The following LCOR variants were observed in gnomAD, a reference collection of about 807,000 sequenced individuals.
LCOR encodes the protein ligand dependent nuclear receptor corepressor.
A neutral mutation model predicts 64.4 loss-of-function variants in LCOR; 14 were observed. That is an observed-to-expected ratio of 0.22 (90% CI 0.14 to 0.34). LCOR has a LOEUF of 0.34. Ranked by LOEUF, LCOR falls within the 10% of genes least tolerant of loss-of-function variation. The probability of loss-of-function intolerance (pLI) is 1.00; values close to 1 mark genes in which losing one functional copy is unlikely to be tolerated. For missense variants in LCOR, 1,686 were observed against 1,765.3 expected (o/e 0.96, Z 0.80); for synonymous variants, 643 against 642.5 (o/e 1.00, Z -0.01).
intron 2 of LCOR, among the ~76,000 whole-genome samples, chr10:96,853,842 G>T (rs1182183436): frequency 2.6e-5 from 4 of 152,152 alleles, no homozygotes; most frequent in South Asian, 2.1e-4. Context: ...AACATTCATG[G>T]TAGAAGGTAC....
chr10:96,869,674 A>C (rs1285084828), intron 2 of LCOR, among the ~76,000 whole-genome samples: 1 of 150,788 alleles, frequency 6.6e-6, no homozygotes, highest in African/African-American at 2.4e-5. Context: ...TGCCTGGTTC[A>C]AGCGATTCTC....
chr10:96,955,613 A>G, intron 7 of LCOR: 1 of 1,614,226 alleles, frequency 6.2e-7, no homozygotes. Context: ...CGGATCAAGA[A>G]GGAGACCCTG....
chr10:96,853,164 G>A (rs1367566278), intron 2 of LCOR, among the ~76,000 whole-genome samples: 1 of 152,078 alleles, frequency 6.6e-6, no homozygotes, highest in African/African-American at 2.4e-5. Flanking sequence ...CGATTCTCCT[G>A]CCTCAGTCTC....
chr10:96,881,462 GT>G (rs59154370), intron 2 of LCOR, among the ~76,000 whole-genome samples: 20,907 of 145,336 alleles, frequency 0.14, 1,950 homozygotes, highest in African/African-American at 0.27. Context: ...GTTGTTTTTT[GT>G]TTTTTTTTTT....
chr10:96,990,228 G>A lies in LCOR; in HGVS notation c.*5094G>A, dbSNP rs1302951631. 2.0e-5 allele frequency: 3 copies of A among 152,032 alleles called. No homozygotes were observed. In the East Asian group the frequency reaches 5.8e-4, roughly 29 times the overall value. 9.4% of individuals were successfully genotyped at this position (152,032 alleles called of 1,614,324 possible). ...TGTCGCCCCAGGCTGGAGTGCAATG[G>A]GCATATGGTCTTATCTATTAGGGTA... On this transcript the variant is annotated 3_prime_UTR_variant, in exon 8 of 8. Coordinates refer to ENST00000421806, the MANE Select transcript of LCOR (RefSeq NM_001346516.2).
chr10:96,872,225 C>T (rs1437215896), intron 2 of LCOR, among the ~76,000 whole-genome samples: 2 of 152,332 alleles, frequency 1.3e-5, no homozygotes, highest in Middle Eastern at 3.4e-3. Flanking sequence ...ATGCCATTAC[C>T]GCAGTGTCAG....
At chr10:96,834,497 T>C (rs76569646) in intron 2 of LCOR, among the ~76,000 whole-genome samples, 1 of 152,338 alleles carries the variant, frequency 6.6e-6, no homozygotes, top group East Asian at 1.9e-4. Context: ...GTTTAAGTAC[T>C]TTTTGAATTA....
chr10:96,968,937 CAAA>C (rs146079321), intron 7 of LCOR, among the ~76,000 whole-genome samples: 5 of 140,250 alleles, frequency 3.6e-5, no homozygotes, highest in African/African-American at 1.3e-4. Context: ...ATCCTGTCTC[CAAA>C]AAAAAAAAAA....
At position 96,931,320 on chromosome 10, in the gene LCOR, G is replaced by A. The variant is rs146759420; in HGVS notation, c.-183-12793G>A. On this transcript the variant is annotated intron_variant, in intron 4 of 7. Transcript: ENST00000421806. ...GTCATCTTGGTTCACTGCAACTTCC[G>A]CCTCCCAGGTTCAAGTGATTCTTCT... Among the ~76,000 whole-genome samples the A allele has an allele frequency of 2.4e-3, 367 of 150,384 alleles. 5 individuals carry two copies. The highest frequency in any genetic ancestry group is 8.0e-3 in the African/African-American group (325 of 40,844).
chr10:96,933,165 G>A (rs1052709860), intron 4 of LCOR, among the ~76,000 whole-genome samples: 12 of 152,180 alleles, frequency 7.9e-5, no homozygotes, highest in Admixed American at 3.9e-4. Flanking sequence ...ATATGTCTGC[G>A]TATGTGTTTT....
At chr10:96,912,606 T>TCC (rs1327278932) in intron 4 of LCOR, among the ~76,000 whole-genome samples, 224 of 140,114 alleles carry the variant, frequency 1.6e-3, no homozygotes, top group African/African-American at 4.8e-3. Flanking sequence ...CTTTCTTCCT[T>TCC]TCTTCCTTCC....
At chr10:96,849,911 T>C (rs922887554) in intron 2 of LCOR, among the ~76,000 whole-genome samples, 3 of 150,448 alleles carry the variant, frequency 2.0e-5, no homozygotes, top group Non-Finnish European at 3.0e-5. Context: ...CGTGAAGATA[T>C]TGTTGGAATT....
At chr10:96,856,621 A>G (rs1478325925) in intron 2 of LCOR, among the ~76,000 whole-genome samples, 1 of 152,032 alleles carries the variant, frequency 6.6e-6, no homozygotes, top group Non-Finnish European at 1.5e-5. Flanking sequence ...CACCACAGGC[A>G]TGTACCATCA....
chr10:96,926,794 GT>G (rs201026989), intron 4 of LCOR, among the ~76,000 whole-genome samples: 1 of 152,004 alleles, frequency 6.6e-6, no homozygotes, highest in Non-Finnish European at 1.5e-5. Flanking sequence ...AAAATACATA[GT>G]TTTTTTATGT....
At chr10:96,912,495 ATGT>A (rs1846856251) in intron 4 of LCOR, among the ~76,000 whole-genome samples, 1 of 152,136 alleles carries the variant, frequency 6.6e-6, no homozygotes, top group Non-Finnish European at 1.5e-5. Context: ...AGTCTGACTG[ATGT>A]TGTATCATTC....
chr10:96,957,425 C>T (rs1564638425), intron 7 of LCOR: 2 of 985,082 alleles, frequency 2.0e-6, no homozygotes, highest in Non-Finnish European at 2.4e-6. Context: ...AAGCAAAGCC[C>T]ATGGAATTTA....
rs192680866 is a variant in LCOR at position 96,899,436 on chromosome 10, G to C, written c.-329-7829G>C. On this transcript the variant is annotated intron_variant, in intron 2 of 7. Coordinates refer to ENST00000421806, the MANE Select transcript of LCOR (RefSeq NM_001346516.2). ...GTGAGATTTAAAAAATAATATTCTT[G>C]ATGGCTTTGTGAATAGAAAAGGTAA... is the stretch of plus-strand genomic sequence containing the variant. Among the ~76,000 whole-genome samples, 317 of 152,076 alleles carry C rather than the reference G, an allele frequency of 2.1e-3. 1 individual carries two copies. The highest frequency in any genetic ancestry group is 3.3e-3 in the Non-Finnish European group (224 of 67,934).
At chr10:96,960,070 G>A (rs1847854937) in intron 7 of LCOR, 1 of 152,192 alleles carries the variant, frequency 6.6e-6, no homozygotes. Context: ...ACAATGAGAA[G>A]TTTAGTTCCC....
chr10:96,897,199 T>C (rs1240934686), intron 2 of LCOR, among the ~76,000 whole-genome samples: 2 of 152,140 alleles, frequency 1.3e-5, no homozygotes, highest in South Asian at 4.1e-4. Context: ...AAAGATATTA[T>C]GGATTCAGTA....
Sources: gnomAD v4.1 joint callset for allele counts (sites outside exome capture counted in the v4.1 genomes callset) on GRCh38, gnomAD v4.1.1 for gene constraint, MANE v1.5 for transcripts, NCBI Gene and HGNC (gene_info 2026-07-23, HGNC 2026-07-21) for gene names.